The following ALG5 variants were observed in gnomAD, a reference collection of about 807,000 sequenced individuals.
The protein encoded by ALG5 is dolichyl-phosphate beta-glucosyltransferase.
In ALG5, 26 loss-of-function variants were observed where a neutral mutation model predicts 51.8. The ratio of observed to expected loss-of-function variants is 0.50; its 90% confidence interval spans 0.37 to 0.70. The LOEUF is 0.70. ALG5 is among the 30% of genes least tolerant of loss of function. The probability of loss-of-function intolerance (pLI) is 0.00; values close to 1 mark genes in which losing one functional copy is unlikely to be tolerated. For missense variants in ALG5, 311 were observed against 399.3 expected (o/e 0.78, Z 1.88); for synonymous variants, 141 against 136.1 (o/e 1.04, Z -0.25).
Position 36,969,627 on chromosome 13 carries a change from C to T in ALG5, c.621+2350G>A, listed in dbSNP as rs375491212. ...CAGCTCACCTGCAACCTCTGCCTCC[C>T]GGGTTCACGTGATTCTCCTGCCTCA... is the stretch of plus-strand genomic sequence containing the variant. On this transcript the variant is annotated intron_variant, in intron 7 of 9. Transcript: ENST00000239891. Among the ~76,000 whole-genome samples, 8 of 152,138 alleles carry T rather than the reference C, an allele frequency of 5.3e-5. No individual in the cohort carries two copies. In the East Asian group the frequency reaches 7.7e-4, roughly 15 times the overall value.
intron 4 of ALG5, among the ~76,000 whole-genome samples, chr13:36,992,497 A>C (rs2059029985): frequency 6.6e-6 from 1 of 152,192 alleles, no homozygotes; most frequent in Non-Finnish European, 1.5e-5. Context: ...AGCTTCAAGG[A>C]ATATAACATT....
intron 7 of ALG5, among the ~76,000 whole-genome samples, chr13:36,970,295 T>C (rs1327415176): frequency 6.6e-6 from 1 of 152,012 alleles, no homozygotes; most frequent in African/African-American, 2.4e-5. Context: ...CTAGACTAGG[T>C]GCTAGTAAAA....
intron 7 of ALG5, chr13:36,967,552 G>C (rs1334355065): frequency 4.3e-6 from 1 of 232,074 alleles, no homozygotes; most frequent in Non-Finnish European, 8.8e-6. Context: ...AGGGCAGGAA[G>C]GAAAGGAAGA....
intron 3 of ALG5, among the ~76,000 whole-genome samples, chr13:36,994,321 A>G (rs1202225404): frequency 6.6e-6 from 1 of 152,160 alleles, no homozygotes; most frequent in Non-Finnish European, 1.5e-5. Flanking sequence ...GTAAATCAAA[A>G]CAATTTTTTT....
chr13:36,950,311 A>T (rs1345588060), intron 9 of ALG5, among the ~76,000 whole-genome samples: 1 of 152,332 alleles, frequency 6.6e-6, no homozygotes, highest in South Asian at 2.1e-4. Flanking sequence ...GCCCTACTAT[A>T]GAAAGGAAGG....
In ALG5 at chr13:36,987,570, T is replaced by C. The variant is rs138235883; in HGVS notation, c.448-1830A>G. ...GCTCCTGCTTCCACTTCGCTTTCTA[T>C]CATGAGTGGAAGCTTCCTGAGGCCT... is the stretch of plus-strand genomic sequence containing the variant. On this transcript the variant is annotated intron_variant, in intron 5 of 9. Transcript: ENST00000239891. 7.1e-3 allele frequency among the ~76,000 whole-genome samples: 1,074 copies of C among 152,270 alleles called. 9 individuals carry two copies. The highest frequency in any genetic ancestry group is 8.8e-3 in the Non-Finnish European group (600 of 68,016).
chr13:36,963,995 C>G (rs1228548861), intron 8 of ALG5, among the ~76,000 whole-genome samples: 1 of 152,086 alleles, frequency 6.6e-6, no homozygotes, highest in Non-Finnish European at 1.5e-5. Flanking sequence ...GACTCTTGCT[C>G]TCATGGAGAA....
At chr13:36,995,380 C>G in intron 2 of ALG5, 45 bp downstream of exon 2, 1 of 1,563,590 alleles carries the variant, frequency 6.4e-7, no homozygotes, top group Non-Finnish European at 8.6e-7. Flanking sequence ...ATTTCCTTTT[C>G]TTTTCCAAAC....
In ALG5 at chr13:36,949,855, T is replaced by C. The variant is rs917612059; in HGVS notation, c.*87A>G. On this transcript the variant is annotated 3_prime_UTR_variant, in exon 10 of 10. Coordinates refer to ENST00000239891, the MANE Select transcript of ALG5 (RefSeq NM_013338.5). ...AAAAGGCAGACAATGACAAGAAGTT[T>C]ATTTCAGCTTTACTTAAAATTTTAG... 11 of 724,626 alleles carry C rather than the reference T, an allele frequency of 1.5e-5. No homozygotes were observed. The highest frequency in any genetic ancestry group is 2.4e-5 in the Non-Finnish European group (11 of 466,266). The allele number at this position is 724,626 out of a possible 1,614,324, so 44.9% of individuals were successfully genotyped here. A position where few individuals can be genotyped will look rare whatever the true frequency, so the allele number is the denominator to read the frequency against.
intron 6 of ALG5, among the ~76,000 whole-genome samples, chr13:36,974,770 A>G (rs2058942390): frequency 6.6e-6 from 1 of 151,734 alleles, no homozygotes; most frequent in East Asian, 2.0e-4. Context: ...TCTAGATATC[A>G]TATGTTACAA....
intron 5 of ALG5, among the ~76,000 whole-genome samples, chr13:36,987,897 A>G (rs1227000526): frequency 6.6e-6 from 1 of 152,130 alleles, no homozygotes; most frequent in Non-Finnish European, 1.5e-5. Context: ...CACTCTGTCA[A>G]TGGTAAAAAA....
intron 5 of ALG5, among the ~76,000 whole-genome samples, chr13:36,987,330 T>C (rs2059006487): frequency 6.6e-6 from 1 of 152,304 alleles, no homozygotes; most frequent in South Asian, 2.1e-4. Context: ...TTGACATAGT[T>C]TGGATCTGTG....
At chr13:36,950,142 G>A (rs991903992) in intron 9 of ALG5, 85 bp from the exon 10 acceptor site, 19 of 780,212 alleles carry the variant, frequency 2.4e-5, no homozygotes, top group Non-Finnish European at 3.0e-5. Context: ...CTACATGATC[G>A]TTGTGAGCCT....
intron 1 of ALG5, 118 bp from the exon 2 acceptor site, chr13:36,995,714 T>G (rs2059046512): frequency 3.1e-6 from 3 of 976,318 alleles, no homozygotes; most frequent in Non-Finnish European, 4.5e-6. Context: ...CTCTCAGGTT[T>G]TAGTTCATTA....
intron 6 of ALG5, among the ~76,000 whole-genome samples, chr13:36,982,744 A>C (rs138579879): frequency 0.011 from 1,678 of 152,268 alleles, 25 homozygotes; most frequent in African/African-American, 0.038. Context: ...TGGATCCAAA[A>C]ACTATGAATT....
Position 36,967,757 on chromosome 13 carries a change from A to G in ALG5, c.622-2031T>C, listed in dbSNP as rs1377106213. 4 of 1,143,120 alleles carry G rather than the reference A, an allele frequency of 3.5e-6. No homozygotes were observed. In the South Asian group the frequency reaches 3.8e-5, roughly 11 times the overall value. The allele number at this position is 1,143,120 out of a possible 1,614,324, so 70.8% of individuals were successfully genotyped here. A position where few individuals can be genotyped will look rare whatever the true frequency, so the allele number is the denominator to read the frequency against. On this transcript the variant is annotated intron_variant, in intron 7 of 9. Transcript: ENST00000239891. Reference sequence around the variant, plus strand: ...TTGCTCAGTGCCTTCCATACAAAATACTTCCAATAAATACTGGTTGACTGA... The same window carrying G: ...TTGCTCAGTGCCTTCCATACAAAATGCTTCCAATAAATACTGGTTGACTGA...
At chr13:36,991,225 G>A (rs908894288) in intron 4 of ALG5, among the ~76,000 whole-genome samples, 1 of 152,086 alleles carries the variant, frequency 6.6e-6, no homozygotes, top group Non-Finnish European at 1.5e-5. Context: ...TCACCTGTCA[G>A]GCCAGCTTAA....
chr13:36,997,034 T>C (rs1438014427), intron 1 of ALG5, among the ~76,000 whole-genome samples: 1 of 152,096 alleles, frequency 6.6e-6, no homozygotes, highest in African/African-American at 2.4e-5. Flanking sequence ...AAAAAACACA[T>C]CGAGTATGTA....
At chr13:36,975,437 G>A (rs1267086555) in intron 6 of ALG5, among the ~76,000 whole-genome samples, 1 of 152,162 alleles carries the variant, frequency 6.6e-6, no homozygotes, top group African/African-American at 2.4e-5. Context: ...GTTAGATTCA[G>A]AGGCTTGATA....
Sources: gnomAD v4.1 joint callset for allele counts (sites outside exome capture counted in the v4.1 genomes callset) on GRCh38, gnomAD v4.1.1 for gene constraint, MANE v1.5 for transcripts, NCBI Gene and HGNC (gene_info 2026-07-23, HGNC 2026-07-21) for gene names.